Variants in SBNO2 observed in about 807,000 individuals in gnomAD.
SBNO2 encodes strawberry notch homolog 2, also known as protein strawberry notch homolog 2.
In SBNO2, 89 loss-of-function variants were observed where a neutral mutation model predicts 146.3. The ratio of observed to expected loss-of-function variants is 0.61; its 90% CI spans 0.51 to 0.73. The LOEUF is 0.73. Ranked by LOEUF, SBNO2 falls within the 30% of genes least tolerant of loss-of-function variation. The pLI is 0.00. For missense variants in SBNO2, 2,092 were observed against 2,003.7 expected, an observed-to-expected ratio of 1.04 and a Z score of -0.84; for synonymous variants, 1,147 against 892.6, an observed-to-expected ratio of 1.29 and a Z score of -5.08.
chr19:1,122,592 T>TTCCCCC, intron 9 of SBNO2, 34 bp from the exon 10 acceptor site: 11 of 1,455,710 alleles, frequency 7.6e-6, no homozygotes, highest in South Asian at 3.8e-5. Flanking sequence ...CGCCCACCCT[T>TTCCCCC]CCCCCTCGCC....
At chr19:1,171,642 C>T (rs905028780) in intron 1 of SBNO2, among the ~76,000 whole-genome samples, 13 of 152,268 alleles carry the variant, frequency 8.5e-5, no homozygotes, top group African/African-American at 2.9e-4. Context: ...GCGGTGTTGG[C>T]GTTTCCGCAT....
Position 1,113,674 on chromosome 19 carries a change from T to C in SBNO2, c.2108A>G (p.His703Arg). 1 of 1,591,718 alleles carries C rather than the reference T, an allele frequency of 6.3e-7. No individual in the cohort carries two copies. The highest frequency in any genetic ancestry group is 8.5e-7 in the Non-Finnish European group (1 of 1,170,194). The change falls in exon 19 of 32, where the codon CAT (histidine) becomes CGT (arginine). Residue 703 changes from histidine to arginine, a missense_variant. His to Arg is a conservative substitution (Grantham distance 29, BLOSUM62 0). Coordinates refer to ENST00000361757, the MANE Select transcript of SBNO2 (RefSeq NM_014963.3). ...GPLCLLQRDP[H>R]GPGVLERVER... is the part of the protein sequence containing the mutation. ...CACCCGCTCCAGGACCCCGGGGCCA[T>C]GCGGGTCTCTCTGCAGGAGGCACAG...
chr19:1,118,869 C>T, intron 14 of SBNO2, 142 bp downstream of exon 14: 2 of 839,992 alleles, frequency 2.4e-6, no homozygotes, highest in Non-Finnish European at 3.6e-6. Context: ...GAGACTGTCT[C>T]AAAAAAACAA....
chr19:1,113,916 G>T (rs140849997), intron 18 of SBNO2, among the ~76,000 whole-genome samples: 12 of 152,304 alleles, frequency 7.9e-5, no homozygotes, highest in African/African-American at 2.9e-4. Flanking sequence ...GCCTCCTGTC[G>T]CGGACCAAAC....
intron 6 of SBNO2, 33 bp downstream of exon 6, chr19:1,123,909 A>T (rs568350345): frequency 6.3e-6 from 10 of 1,596,760 alleles, no homozygotes; most frequent in African/African-American, 1.3e-5. Context: ...ATGAGAGGGC[A>T]GGGGAGGGAG....
chr19:1,172,774 A>AAC (rs1916471571), intron 1 of SBNO2, among the ~76,000 whole-genome samples: 3 of 49,648 alleles, frequency 6.0e-5, no homozygotes, highest in Admixed American at 5.5e-4. Flanking sequence ...CACTCACTGC[A>AAC]ACCGCCCCCC....
At position 1,114,267 on chromosome 19, in the gene SBNO2, T is replaced by A. The variant is rs757088932; in HGVS notation, c.2041A>T (p.Ile681Phe). 16 of 1,544,024 alleles carry A rather than the reference T, an allele frequency of 1.0e-5. No homozygotes were observed. The highest frequency in any genetic ancestry group is 1.4e-5 in the Non-Finnish European group (16 of 1,143,344). ...CTGGGGAGCCCGACTGCATCAACGA[T>A]GACAACGTCGTCATCCACCAGGGAC... ...PESLVDDDVV[I>F]VDAVGLPSDD... is the part of the protein sequence containing the mutation. The change falls in exon 18 of 32, where the codon ATC becomes TTC. Residue 681 changes from isoleucine (I) to phenylalanine (F), a missense_variant. Transcript: ENST00000361757.
chr19:1,127,211 A>T (rs1389361318), intron 5 of SBNO2, among the ~76,000 whole-genome samples: 1 of 152,098 alleles, frequency 6.6e-6, no homozygotes, highest in Non-Finnish European at 1.5e-5. Flanking sequence ...GCCCTTCCTG[A>T]CCACGCTTCT....
chr19:1,119,709 G>A (rs2079877150), intron 12 of SBNO2, 88 bp from the exon 13 acceptor site: 1 of 1,168,176 alleles, frequency 8.6e-7, no homozygotes, highest in Admixed American at 2.0e-5. Flanking sequence ...CACCCGACGA[G>A]GGGCCCTGCG....
rs530504329 is a variant in SBNO2, at chr19:1,111,224, G to C, written c.2810-131C>G. The stretch of plus-strand genomic sequence containing the variant: ...CAGCTGCAGCCTAGGGCCAGGGCCA[G>C]GGCCAGGAGCGGAGCCTTTTGCCTG... On this transcript the variant is annotated intron_variant, in intron 24 of 31. Transcript: ENST00000361757. The C allele has an allele frequency of 9.5e-6, 10 of 1,052,226 alleles. No individual in the cohort carries two copies. In the Admixed American group the frequency reaches 1.8e-4, roughly 19 times the overall value. 65.2% of individuals were successfully genotyped at this position (1,052,226 alleles called of 1,614,324 possible). A position where few individuals can be genotyped will look rare whatever the true frequency, so the allele number is the denominator to read the frequency against.
Position 1,122,696 on chromosome 19 carries a change from G to A in SBNO2, c.876C>T (p.Ile292=). ...VGKGRTVAGV[I]LENHLRGRKK... Reference sequence around the variant, plus strand: ...TCCGGCCGCGCAGGTGGTTCTCCAGGATGACTCCGGCCACCGTCCGGCCTT... The same window carrying A: ...TCCGGCCGCGCAGGTGGTTCTCCAGAATGACTCCGGCCACCGTCCGGCCTT... Residue 292 remains isoleucine, a synonymous_variant, in exon 9 of 32, where the codon ATC becomes ATT. Coordinates refer to ENST00000361757, the MANE Select transcript of SBNO2 (RefSeq NM_014963.3). 1 of 1,536,404 alleles carries A rather than the reference G, an allele frequency of 6.5e-7. No homozygotes were observed.
In SBNO2 at chr19:1,109,886, C is replaced by G. The variant is rs1015517641; in HGVS notation, c.3029-109G>C. 1 of 767,840 alleles carries G rather than the reference C, an allele frequency of 1.3e-6. No individual in the cohort carries two copies. The highest frequency in any genetic ancestry group is 1.8e-5 in the African/African-American group (1 of 56,872). 47.6% of individuals were successfully genotyped at this position (767,840 alleles called of 1,614,324 possible). ...CCCTAGAGACGACCCCCCGAGAGCA[C>G]AGGAGAGGGTGTCCTGGATCCTGGC... On this transcript the variant is annotated intron_variant, in intron 26 of 31. Coordinates refer to ENST00000361757, the MANE Select transcript of SBNO2 (RefSeq NM_014963.3). This position sits in a 1 kb window ranked among gnomAD's most constrained non-coding sequence, Gnocchi z 4.2.
intron 17 of SBNO2, among the ~76,000 whole-genome samples, chr19:1,115,010 A>G (rs750691280): frequency 4.3e-5 from 6 of 139,900 alleles, no homozygotes; most frequent in Non-Finnish European, 9.3e-5. Flanking sequence ...GCTCACTGCA[A>G]CCTCCACCTC....
At chr19:1,166,699 C>T (rs898114051) in intron 1 of SBNO2, among the ~76,000 whole-genome samples, 1 of 152,172 alleles carries the variant, frequency 6.6e-6, no homozygotes, top group African/African-American at 2.4e-5. Context: ...GAGCTTGAGC[C>T]TGTGGTCCCC....
At position 1,144,631 on chromosome 19, in the gene SBNO2, G is replaced by C. The variant is rs1221413290; in HGVS notation, c.279+2678C>G. Among the ~76,000 whole-genome samples the C allele has an allele frequency of 2.0e-5, 3 of 151,744 alleles. No individual in the cohort carries two copies. Among genetic ancestry groups the C allele is most frequent in the African/African-American group, 7.3e-5 (3 of 41,298 alleles). On this transcript the variant is annotated intron_variant, in intron 4 of 31. Transcript: ENST00000361757. This position sits in a 1 kb window ranked among gnomAD's most constrained non-coding sequence, Gnocchi z 4.1. ...AGAGGCAGAGAGGGAAACAGACGAA[G>C]ACAGAGAGGGCGACAGAGACAGAGG...
chr19:1,160,884 G>T (rs895256638), intron 1 of SBNO2, among the ~76,000 whole-genome samples: 7 of 151,612 alleles, frequency 4.6e-5, no homozygotes, highest in African/African-American at 1.7e-4. Context: ...CTAGACTGTG[G>T]CCAGGGAAAC....
At chr19:1,121,455 A>G (rs745366891) in intron 11 of SBNO2, among the ~76,000 whole-genome samples, 5 of 152,232 alleles carry the variant, frequency 3.3e-5, no homozygotes, top group Admixed American at 6.5e-5. Flanking sequence ...AGCCATGGCC[A>G]TGTCCTGTGC....
Position 1,147,439 on chromosome 19 carries a change from G to GGGGAGC in SBNO2, c.168-20_168-19insGCTCCC. On this transcript the variant is annotated intron_variant, in intron 3 of 31. Coordinates refer to ENST00000361757, the MANE Select transcript of SBNO2 (RefSeq NM_014963.3). ...GAACGGGCTGGAGGGAGATGGGGGG[G>GGGGAGC]GGGGAGGTGAGATGGGGTGCTCAAC... The GGGGAGC allele has an allele frequency of 1.6e-6, 2 of 1,265,266 alleles. No homozygotes were observed. Among genetic ancestry groups the GGGGAGC allele is most frequent in the Non-Finnish European group, 2.2e-6 (2 of 922,484 alleles). The allele number at this position is 1,265,266 out of a possible 1,614,324, so 78.4% of individuals were successfully genotyped here.
In SBNO2 at chr19:1,158,644, G is replaced by A. The variant is rs969560242; in HGVS notation, c.-126-4242C>T. ...AGGAGGCGGCGAGGCCCGGGCGAGCGGGCGCGACCGTGGTGATGGAGCCCG... is the reference window on the plus strand; with the variant it reads ...AGGAGGCGGCGAGGCCCGGGCGAGCAGGCGCGACCGTGGTGATGGAGCCCG... On this transcript the variant is annotated intron_variant, in intron 1 of 31. Transcript: ENST00000361757. The surrounding 1 kb of genome is among the most constrained non-coding windows in gnomAD (Gnocchi z 9.9). 7.2e-5 allele frequency among the ~76,000 whole-genome samples: 11 copies of A among 152,300 alleles called. No homozygotes were observed. Among genetic ancestry groups the A allele is most frequent in the East Asian group, 3.9e-4 (2 of 5,178 alleles).
Sources: gnomAD v4.1 joint callset for allele counts (sites outside exome capture counted in the v4.1 genomes callset) on GRCh38, gnomAD v4.1.1 for gene constraint, Gnocchi (gnomAD v3.1) non-coding constraint, MANE v1.5 for transcripts, NCBI Gene and HGNC (gene_info 2026-07-23, HGNC 2026-07-21) for gene names.